The following MAP1A variants were observed in gnomAD, a reference collection of about 807,000 sequenced individuals.
MAP1A encodes microtubule associated protein 1A.
MAP1A carries 42 observed loss-of-function variants against 185.9 expected under a neutral mutation model. The observed-to-expected ratio is 0.23, with a 90% CI of 0.18 to 0.29. The LOEUF is 0.29. Among genes scored for constraint, MAP1A ranks in the 10% least tolerant of loss-of-function variants. The pLI is 1.00. For missense variants in MAP1A, 2,995 were observed against 3,450.4 expected (o/e 0.87, Z 3.31); for synonymous variants, 1,229 against 1,335.9 (o/e 0.92, Z 1.74).
rs1431846149 is a variant in MAP1A at position 43,527,900 on chromosome 15, G to A, written c.6427G>A (p.Glu2143Lys). ...GTCCCCCACATTATGGCCAGAAACT[G>A]AGGCACATGTTAGCCCTCCCTTGGA... is the stretch of plus-strand genomic sequence containing the variant. ...MGSPTLWPET[E>K]AHVSPPLDSH... Residue 2143 changes from glutamate (E) to lysine (K), a missense_variant, in exon 4 of 6, where the codon GAG becomes AAG. Glu to Lys is a moderately conservative substitution (Grantham distance 56, BLOSUM62 1). Transcript: ENST00000300231. 6 of 1,614,134 alleles carry A rather than the reference G, an allele frequency of 3.7e-6. No homozygotes were observed. In the East Asian group the frequency reaches 1.3e-4, roughly 36 times the overall value.
rs1391594922 is a variant in MAP1A, at chr15:43,525,644, G to C, written c.4171G>C (p.Asp1391His). The change falls in exon 4 of 6, where the codon GAT becomes CAT. Residue 1391 changes from aspartate to histidine, a missense_variant. Physicochemically the swap from Asp to His is moderately conservative, Grantham distance 81 (BLOSUM62 -1). Coordinates refer to ENST00000300231, the MANE Select transcript of MAP1A (RefSeq NM_002373.6). ...GAAGGATACAGCCATCTATCAGAAAGATGAGGCTCTGCATGTAAAGAATGA... is the reference window on the plus strand; with the variant it reads ...GAAGGATACAGCCATCTATCAGAAACATGAGGCTCTGCATGTAAAGAATGA... ...EPKDTAIYQK[D>H]EALHVKNEAV... 6.2e-7 allele frequency: 1 copy of C among 1,614,196 alleles called. No individual in the cohort carries two copies. The highest frequency in any genetic ancestry group is 8.5e-7 in the Non-Finnish European group (1 of 1,180,038).
rs2079371279 is a variant in MAP1A, at chr15:43,531,473, A to C, written c.*1249A>C. The C allele has an allele frequency of 6.6e-6, 1 of 152,594 alleles. No individual in the cohort carries two copies. Among genetic ancestry groups the C allele is most frequent in the Admixed American group, 6.6e-5 (1 of 15,262 alleles). 9.5% of individuals were successfully genotyped at this position (152,594 alleles called of 1,614,324 possible). ...TCTGCCAAACGACTGGGAAACCAAA[A>C]TGAGCCCACCTTGTGTTCTTCCTAG... On this transcript the variant is annotated 3_prime_UTR_variant, in exon 6 of 6. Coordinates refer to ENST00000300231, the MANE Select transcript of MAP1A (RefSeq NM_002373.6).
In MAP1A at chr15:43,523,238, G is replaced by T. The variant is rs1450273258; in HGVS notation, c.1765G>T (p.Val589Leu). ...SVPGLGQEEH[V>L]MKEKELVPEV... ...TCCAGGGCTGGGACAAGAAGAACATGTGATGAAGGAGAAAGAGCTTGTCCC... is the reference window on the plus strand; with the variant it reads ...TCCAGGGCTGGGACAAGAAGAACATTTGATGAAGGAGAAAGAGCTTGTCCC... The change falls in exon 4 of 6, where the codon GTG becomes TTG. Residue 589 changes from valine to leucine, a missense_variant. Physicochemically the swap from Val to Leu is conservative, Grantham distance 32. This residue lies in a region of MAP1A where 2,728 missense variants were observed against 2,986.0 expected (regional missense o/e 0.91). Transcript: ENST00000300231. 1.9e-6 allele frequency: 3 copies of T among 1,613,984 alleles called. No individual in the cohort carries two copies. The highest frequency in any genetic ancestry group is 3.3e-5 in the Admixed American group (2 of 59,988).
rs1187336929 is a variant in MAP1A at position 43,522,825 on chromosome 15, A to G, written c.1352A>G (p.Asp451Gly). The change falls in exon 4 of 6, where the codon GAT becomes GGT. Residue 451 changes from aspartate (D) to glycine (G), a missense_variant. Transcript: ENST00000300231. The surrounding 1 kb of genome is among the most constrained non-coding windows in gnomAD (Gnocchi z 5.9). ...GCCAAGAAGGAGGAGAAGAGGAAAG[A>G]TACCAAACCTGAGCTCAAGAAGATT... ...KDAKKEEKRKDTKPELKKISK... is the reference protein window; with the variant it reads ...KDAKKEEKRKGTKPELKKISK... 1 of 1,592,416 alleles carries G rather than the reference A, an allele frequency of 6.3e-7. No individual in the cohort carries two copies. The highest frequency in any genetic ancestry group is 8.6e-7 in the Non-Finnish European group (1 of 1,167,984).
rs2140206151 is a variant in MAP1A, at chr15:43,523,129, A to G, written c.1656A>G (p.Thr552=). 1.9e-6 allele frequency: 3 copies of G among 1,614,196 alleles called. No individual in the cohort carries two copies. Among genetic ancestry groups the G allele is most frequent in the Non-Finnish European group, 2.5e-6 (3 of 1,180,036 alleles). The part of the protein sequence containing the change: ...ERALLAEQRD[T]GLGDKPFPLD... ...CTTTGCTGGCTGAACAAAGGGACAC[A>G]GGACTAGGAGATAAGCCATTCCCTC... Residue 552 remains threonine, a synonymous_variant, in exon 4 of 6, where the codon ACA becomes ACG. Coordinates refer to ENST00000300231, the MANE Select transcript of MAP1A (RefSeq NM_002373.6).
At position 43,523,391 on chromosome 15, in the gene MAP1A, G is replaced by T. The variant is rs935549984; in HGVS notation, c.1918G>T (p.Ala640Ser). 5 of 1,612,336 alleles carry T rather than the reference G, an allele frequency of 3.1e-6. No homozygotes were observed. Among genetic ancestry groups the T allele is most frequent in the African/African-American group, 2.7e-5 (2 of 74,854 alleles). The change falls in exon 4 of 6, where the codon GCC (alanine) becomes TCC (serine). Residue 640 changes from alanine to serine, a missense_variant. By Grantham distance (99) the Ala-to-Ser change is moderately conservative (BLOSUM62 1). Transcript: ENST00000300231. ...EAERLPDRTE[A>S]REESEPEVKE... ...AGAGAGGCTCCCAGACAGAACAGAA[G>T]CCAGAGAGGAAAGTGAACCTGAAGT...
rs2079322571 is a variant in MAP1A at position 43,522,356 on chromosome 15, A to G, written c.883A>G (p.Thr295Ala). 6.2e-7 allele frequency: 1 copy of G among 1,614,154 alleles called. No homozygotes were observed. Among genetic ancestry groups the G allele is most frequent in the Non-Finnish European group, 8.5e-7 (1 of 1,180,030 alleles). The stretch of plus-strand genomic sequence containing the variant: ...GGACTTCCTGCGTTACCCTGTGGCC[A>G]CGCAGAAGGACCTGGCTTCTGGGGC... ...HLDFLRYPVA[T>A]QKDLASGAVP... is the part of the protein sequence containing the mutation. The change falls in exon 4 of 6, where the codon ACG becomes GCG. Residue 295 changes from threonine to alanine, a missense_variant. This residue lies in a region of MAP1A where 264 missense variants were observed against 435.3 expected (regional missense o/e 0.61). Coordinates refer to ENST00000300231, the MANE Select transcript of MAP1A (RefSeq NM_002373.6). This position sits in a 1 kb window ranked among gnomAD's most constrained non-coding sequence, Gnocchi z 5.9.
In MAP1A at chr15:43,524,787, C is replaced by T; in HGVS notation, c.3314C>T (p.Ala1105Val). ...GCAATAGTCTTTGAGATTATGGAGG[C>T]AGGAGAGCCCACAGGCCCAATTCTG... ...DKAIVFEIME[A>V]GEPTGPILGA... is the part of the protein sequence containing the mutation. Residue 1105 changes from alanine (A) to valine (V), a missense_variant, in exon 4 of 6, where the codon GCA becomes GTA. By Grantham distance (64) the Ala-to-Val change is moderately conservative. Transcript: ENST00000300231. The T allele has an allele frequency of 1.2e-6, 2 of 1,614,156 alleles. No individual in the cohort carries two copies. The highest frequency in any genetic ancestry group is 1.3e-5 in the African/African-American group (1 of 75,032).
Position 43,523,013 on chromosome 15 carries a change from C to T in MAP1A, c.1540C>T (p.Leu514Phe). The part of the protein sequence containing the change: ...TPPAQKGTVP[L>F]PTISGHRELV... ...CCCAGCCCAGAAGGGAACTGTACCA[C>T]TCCCAACCATCAGTGGGCACAGGGA... Residue 514 changes from leucine (L) to phenylalanine (F), a missense_variant, in exon 4 of 6, where the codon CTC becomes TTC. Around this residue, in one of 3 missense-constraint regions of MAP1A, gnomAD observed 2,728 missense variants for 2,986.0 expected, o/e 0.91. Coordinates refer to ENST00000300231, the MANE Select transcript of MAP1A (RefSeq NM_002373.6). 6.2e-7 allele frequency: 1 copy of T among 1,614,248 alleles called. No homozygotes were observed. Among genetic ancestry groups the T allele is most frequent in the South Asian group, 1.1e-5 (1 of 91,092 alleles).
At chr15:43,516,611 T>G (rs2079298311), upstream of MAP1A, among the ~76,000 whole-genome samples, 1 of 152,100 alleles carries the variant, frequency 6.6e-6, no homozygotes. Context: ...CCTAGAGCGC[T>G]TTACTAAATC....
chr15:43,515,967 G>C (rs570532614), upstream of MAP1A, among the ~76,000 whole-genome samples: 1 of 152,302 alleles, frequency 6.6e-6, no homozygotes, highest in Admixed American at 6.5e-5. Flanking sequence ...GTGGCCCTTG[G>C]GGGTGGCAGC....
chr15:43,525,326 G>C lies in MAP1A; in HGVS notation c.3853G>C (p.Asp1285His). The change falls in exon 4 of 6, where the codon GAC (aspartate) becomes CAC (histidine). Residue 1285 changes from aspartate to histidine, a missense_variant. By Grantham distance (81) the Asp-to-His change is moderately conservative. This residue lies in a region of MAP1A where 2,728 missense variants were observed against 2,986.0 expected (regional missense o/e 0.91). Transcript: ENST00000300231. ...AQTDITDDSL[D>H]RKSPASSFSH... ...GACAGACATCACAGATGACAGCCTT[G>C]ACAGGAAGTCACCTGCCAGCTCATT... 4 of 1,614,040 alleles carry C rather than the reference G, an allele frequency of 2.5e-6. No homozygotes were observed. Among genetic ancestry groups the C allele is most frequent in the Non-Finnish European group, 3.4e-6 (4 of 1,180,010 alleles).
chr15:43,521,999 C>G lies in MAP1A; in HGVS notation c.526C>G (p.Leu176Val), dbSNP rs775579791. ...CCGCCTGGGCATCCAGGCTGAGCCT[C>G]TATATCGTGTGGTCAGCAATACCAT... ...LNRLGIQAEP[L>V]YRVVSNTIEP... The change falls in exon 4 of 6, where the codon CTA becomes GTA. Residue 176 changes from leucine to valine, a missense_variant. Around this residue, in one of 3 missense-constraint regions of MAP1A, gnomAD observed 264 missense variants for 435.3 expected, o/e 0.61. Transcript: ENST00000300231. This position sits in a 1 kb window ranked among gnomAD's most constrained non-coding sequence, Gnocchi z 4.6. The G allele has an allele frequency of 1.9e-6, 3 of 1,614,226 alleles. No individual in the cohort carries two copies. The highest frequency in any genetic ancestry group is 1.7e-5 in the Admixed American group (1 of 60,036).
chr15:43,528,293 C>G lies in MAP1A; in HGVS notation c.6820C>G (p.Arg2274Gly), dbSNP rs767267121. Residue 2274 changes from arginine to glycine, a missense_variant, in exon 4 of 6, where the codon CGC becomes GGC. Around this residue, in one of 3 missense-constraint regions of MAP1A, gnomAD observed 2,728 missense variants for 2,986.0 expected, o/e 0.91. Transcript: ENST00000300231. ...TTPVISSVAE[R>G]FSPSLEAAEQ... The stretch of plus-strand genomic sequence containing the variant: ...GCCTGTGATTTCAAGTGTGGCGGAG[C>G]GCTTCTCTCCAAGCCTTGAGGCTGC... The G allele has an allele frequency of 1.8e-5, 29 of 1,613,922 alleles. No individual in the cohort carries two copies. The highest frequency in any genetic ancestry group is 1.8e-5 in the Non-Finnish European group (21 of 1,180,044).
At chr15:43,516,850 T>C (rs2079299369), upstream of MAP1A, among the ~76,000 whole-genome samples, 2 of 152,150 alleles carry the variant, frequency 1.3e-5, no homozygotes, top group South Asian at 4.1e-4. Context: ...GTTAACTCCT[T>C]CACTGTAAGG....
Position 43,525,765 on chromosome 15 carries a change from C to G in MAP1A, c.4292C>G (p.Pro1431Arg). ...ALEQKDKALE[P>R]KDKDLEEKDK... ...GAACAGAAGGACAAGGCCCTGGAACCAAAAGACAAAGACTTAGAAGAAAAA... is the reference window on the plus strand; with the variant it reads ...GAACAGAAGGACAAGGCCCTGGAACGAAAAGACAAAGACTTAGAAGAAAAA... Residue 1431 changes from proline to arginine, a missense_variant, in exon 4 of 6, where the codon CCA (proline) becomes CGA (arginine). Physicochemically the swap from Pro to Arg is moderately radical, Grantham distance 103. Around this residue, in one of 3 missense-constraint regions of MAP1A, gnomAD observed 2,728 missense variants for 2,986.0 expected, o/e 0.91. Transcript: ENST00000300231. The G allele has an allele frequency of 6.2e-7, 1 of 1,613,342 alleles. No individual in the cohort carries two copies. Among genetic ancestry groups the G allele is most frequent in the Non-Finnish European group, 8.5e-7 (1 of 1,179,882 alleles).
chr15:43,523,660 T>G lies in MAP1A; in HGVS notation c.2187T>G (p.Thr729=). The change falls in exon 4 of 6, where the codon ACT becomes ACG. Residue 729 remains threonine (T), a synonymous_variant. Transcript: ENST00000300231. The part of the protein sequence containing the change: ...LSSLTTPAGA[T]EHVSYIQDET... ...GCCTGACCACACCTGCAGGAGCCAC[T>G]GAGCATGTCTCTTACATCCAGGATG... 1 of 1,614,024 alleles carries G rather than the reference T, an allele frequency of 6.2e-7. No individual in the cohort carries two copies. The highest frequency in any genetic ancestry group is 8.5e-7 in the Non-Finnish European group (1 of 1,179,972).
In MAP1A at chr15:43,521,198, C is replaced by A; in HGVS notation, c.-151+86C>A. 1 of 1,476,774 alleles carries A rather than the reference C, an allele frequency of 6.8e-7. No homozygotes were observed. The highest frequency in any genetic ancestry group is 1.4e-5 in the South Asian group (1 of 74,036). The allele number at this position is 1,476,774 out of a possible 1,614,324, so 91.5% of individuals were successfully genotyped here. ...AAGGGAAAGTCTCATATTGCATGAC[C>A]ATGGGGGGCCCTGGCAGAAAGGTAA... On this transcript the variant is annotated intron_variant, in intron 3 of 5. Coordinates refer to ENST00000300231, the MANE Select transcript of MAP1A (RefSeq NM_002373.6). This position sits in a 1 kb window ranked among gnomAD's most constrained non-coding sequence, Gnocchi z 4.6.
Position 43,522,384 on chromosome 15 carries a change from T to C in MAP1A, c.911T>C (p.Val304Ala), listed in dbSNP as rs202066894. ...CAGAAGGACCTGGCTTCTGGGGCTG[T>C]GCCTACCAACCTCAAGCCCAGCAAA... is the stretch of plus-strand genomic sequence containing the variant. ...ATQKDLASGA[V>A]PTNLKPSKIK... is the part of the protein sequence containing the mutation. The change falls in exon 4 of 6, where the codon GTG (valine) becomes GCG (alanine). Residue 304 changes from valine to alanine, a missense_variant. Physicochemically the swap from Val to Ala is moderately conservative, Grantham distance 64 (BLOSUM62 0). Around this residue, in one of 3 missense-constraint regions of MAP1A, gnomAD observed 264 missense variants for 435.3 expected, o/e 0.61. Transcript: ENST00000300231. This position sits in a 1 kb window ranked among gnomAD's most constrained non-coding sequence, Gnocchi z 5.9. 80 of 1,614,020 alleles carry C rather than the reference T, an allele frequency of 5.0e-5. No homozygotes were observed. Among genetic ancestry groups the C allele is most frequent in the Non-Finnish European group, 6.4e-5 (75 of 1,180,038 alleles).
Sources: allele counts gnomAD v4.1 joint callset (sites outside exome capture counted in the v4.1 genomes callset), GRCh38; gene constraint gnomAD v4.1.1; regional missense constraint gnomAD v4.1.1; non-coding constraint Gnocchi (gnomAD v3.1); transcripts MANE v1.5; gene names NCBI Gene and HGNC (gene_info 2026-07-23, HGNC 2026-07-21).